The following GUCA1C variants were observed in gnomAD, a reference collection of about 807,000 sequenced individuals.
The protein encoded by GUCA1C is guanylate cyclase activator 1C.
A neutral mutation model predicts 16.2 loss-of-function variants in GUCA1C; 15 were observed. That is an observed-to-expected ratio of 0.93 (90% CI 0.62 to 1.43). The LOEUF (loss-of-function observed/expected upper bound fraction) is 1.43. Among genes scored for constraint, GUCA1C ranks in the 40% most tolerant of loss-of-function variants. The pLI is 0.00. For missense variants in GUCA1C, 275 were observed against 244.8 expected, an observed-to-expected ratio of 1.12 and a Z score of -0.82; for synonymous variants, 78 against 85.4, an observed-to-expected ratio of 0.91 and a Z score of 0.48.
At chr3:108,923,385 A>C (rs1303576064) in intron 1 of GUCA1C, among the ~76,000 whole-genome samples, 1 of 152,186 alleles carries the variant, frequency 6.6e-6, no homozygotes, top group Non-Finnish European at 1.5e-5. Context: ...CAATTATCCC[A>C]GCACCATTTG....
At chr3:108,936,296 T>C (rs1311726016) in intron 1 of GUCA1C, among the ~76,000 whole-genome samples, 1 of 152,066 alleles carries the variant, frequency 6.6e-6, no homozygotes, top group Non-Finnish European at 1.5e-5. Flanking sequence ...GAAAATATTA[T>C]CTTATTATTT....
intron 2 of GUCA1C, among the ~76,000 whole-genome samples, chr3:108,917,906 G>A (rs1267146521): frequency 1.3e-5 from 2 of 152,080 alleles, no homozygotes; most frequent in East Asian, 1.9e-4. Context: ...TTAGCCAGGC[G>A]TGGTGGCGGG....
At chr3:108,943,606 C>A (rs1426226876) in intron 1 of GUCA1C, among the ~76,000 whole-genome samples, 3 of 152,156 alleles carry the variant, frequency 2.0e-5, no homozygotes, top group African/African-American at 7.2e-5. Context: ...TTGGGGTTTA[C>A]ATGCAATCCT....
intron 1 of GUCA1C, among the ~76,000 whole-genome samples, chr3:108,938,612 T>C (rs1025962739): frequency 1.3e-5 from 2 of 152,222 alleles, no homozygotes; most frequent in African/African-American, 4.8e-5. Flanking sequence ...CCTAGCCTAT[T>C]TTCACCCACA....
At chr3:108,945,274 C>T (rs1946833049) in intron 1 of GUCA1C, among the ~76,000 whole-genome samples, 1 of 152,210 alleles carries the variant, frequency 6.6e-6, no homozygotes, top group Non-Finnish European at 1.5e-5. Flanking sequence ...CTGGCCCGCA[C>T]CTGGCCCTCA....
At chr3:108,912,546 TA>T (rs900501955) in intron 3 of GUCA1C, among the ~76,000 whole-genome samples, 1 of 152,018 alleles carries the variant, frequency 6.6e-6, no homozygotes, top group South Asian at 2.1e-4. Context: ...TCCTCATGAT[TA>T]AAAAAATTGA....
At chr3:108,917,111 T>C (rs1946526086) in intron 2 of GUCA1C, among the ~76,000 whole-genome samples, 1 of 152,230 alleles carries the variant, frequency 6.6e-6, no homozygotes, top group Admixed American at 6.5e-5. Flanking sequence ...TTAGGTCTGA[T>C]GGATCTCATG....
At chr3:108,944,671 T>C (rs1246378035) in intron 1 of GUCA1C, among the ~76,000 whole-genome samples, 1 of 152,208 alleles carries the variant, frequency 6.6e-6, no homozygotes, top group Non-Finnish European at 1.5e-5. Flanking sequence ...TCTGGGCAGC[T>C]TGTTTGGCCT....
intron 1 of GUCA1C, among the ~76,000 whole-genome samples, chr3:108,945,773 T>C (rs1161013888): frequency 6.6e-6 from 1 of 152,188 alleles, no homozygotes; most frequent in Non-Finnish European, 1.5e-5. Flanking sequence ...AGTCTTAACG[T>C]TTGTAATTAA....
intron 1 of GUCA1C, among the ~76,000 whole-genome samples, chr3:108,948,887 AC>A (rs1319866088): frequency 4.7e-5 from 7 of 148,972 alleles, no homozygotes; most frequent in Non-Finnish European, 1.0e-4. Flanking sequence ...TCACTCTGTC[AC>A]CCAGGCTGGA....
At chr3:108,939,989 G>C (rs1049250454) in intron 1 of GUCA1C, among the ~76,000 whole-genome samples, 8 of 152,180 alleles carry the variant, frequency 5.3e-5, no homozygotes, top group African/African-American at 1.9e-4. Flanking sequence ...AATTACAACA[G>C]CTTACATTTA....
In GUCA1C at chr3:108,920,454, T is replaced by C. The variant is rs1232494000; in HGVS notation, c.336A>G (p.Glu112=). 1.2e-6 allele frequency: 2 copies of C among 1,608,954 alleles called. No individual in the cohort carries two copies. The highest frequency in any genetic ancestry group is 1.7e-5 in the Admixed American group (1 of 59,966). Reference sequence around the variant, plus strand: ...CACTTACCATGAACATGTCCAGTAGTTCATTTTTGTCAATAGAACCATTTC... The same window carrying C: ...CACTTACCATGAACATGTCCAGTAGCTCATTTTTGTCAATAGAACCATTTC... ...ADGNGSIDKN[E]LLDMFMAVQA... The change falls in exon 2 of 4, where the codon GAA becomes GAG. Residue 112 remains glutamate (E), a synonymous_variant. Coordinates refer to ENST00000261047, the MANE Select transcript of GUCA1C (RefSeq NM_005459.4).
At chr3:108,947,832 T>G (rs949089099) in intron 1 of GUCA1C, among the ~76,000 whole-genome samples, 3 of 152,210 alleles carry the variant, frequency 2.0e-5, no homozygotes, top group Non-Finnish European at 4.4e-5. Flanking sequence ...ATTTTAAATT[T>G]TGGTAGTTTT....
chr3:108,944,728 A>G (rs575326192), intron 1 of GUCA1C, among the ~76,000 whole-genome samples: 1 of 152,102 alleles, frequency 6.6e-6, no homozygotes, highest in South Asian at 2.1e-4. Context: ...GGTTCAGCAC[A>G]ACATCTATTA....
At chr3:108,939,355 G>A (rs1334139179) in intron 1 of GUCA1C, among the ~76,000 whole-genome samples, 2 of 18,358 alleles carry the variant, frequency 1.1e-4, no homozygotes, top group Non-Finnish European at 1.7e-4. Context: ...TTTTTGAGAC[G>A]GAATCTTGCT....
At chr3:108,923,034 T>C (rs62266533) in intron 1 of GUCA1C, among the ~76,000 whole-genome samples, 38,287 of 152,082 alleles carry the variant, frequency 0.25, 5,351 homozygotes, top group Middle Eastern at 0.36. Flanking sequence ...TGGTTTTTTC[T>C]TGTTAATTTG....
chr3:108,952,676 C>G (rs1946906623), intron 1 of GUCA1C, among the ~76,000 whole-genome samples: 1 of 151,952 alleles, frequency 6.6e-6, no homozygotes, highest in African/African-American at 2.4e-5. Context: ...CCCCTTCTTT[C>G]TCTTCTATTA....
intron 1 of GUCA1C, among the ~76,000 whole-genome samples, chr3:108,927,899 T>A (rs942998718): frequency 3.3e-5 from 5 of 152,202 alleles, no homozygotes; most frequent in Admixed American, 6.5e-5. Context: ...TTTTGTCCCA[T>A]GGGATGCTCC....
At chr3:108,944,465 G>C (rs114707842) in intron 1 of GUCA1C, among the ~76,000 whole-genome samples, 3 of 152,300 alleles carry the variant, frequency 2.0e-5, no homozygotes, top group African/African-American at 7.2e-5. Context: ...GTTAAATGAA[G>C]GTTGCCAGGT....
Sources: gnomAD v4.1 joint callset for allele counts (sites outside exome capture counted in the v4.1 genomes callset) on GRCh38, gnomAD v4.1.1 for gene constraint, MANE v1.5 for transcripts, NCBI Gene and HGNC (gene_info 2026-07-23, HGNC 2026-07-21) for gene names.